Variants in UPRT observed in about 807,000 individuals in gnomAD.
UPRT encodes the protein uracil phosphoribosyltransferase homolog.
UPRT carries 5 observed loss-of-function variants against 22.6 expected under a neutral mutation model. The observed-to-expected ratio is 0.22, with a 90% CI of 0.12 to 0.47. UPRT has a LOEUF of 0.47. UPRT is among the 20% of genes least tolerant of loss of function. The probability of loss-of-function intolerance (pLI) is 0.99; values close to 1 mark genes in which losing one functional copy is unlikely to be tolerated. For synonymous variants in UPRT, 77 were observed against 87.7 expected (o/e 0.88, Z 0.68); for missense variants, 181 against 239.9 (o/e 0.75, Z 1.62).
chrX:75,267,673 C>T (rs1280450176), intron 4 of UPRT, among the ~76,000 whole-genome samples: 3 of 111,599 alleles, frequency 2.7e-5, no homozygotes, highest in East Asian at 5.6e-4. Context: ...GGGTAAATAA[C>T]GAAATTAAGG....
chrX:75,266,836 A>G (rs2082590400), intron 4 of UPRT, among the ~76,000 whole-genome samples: 1 of 111,955 alleles, frequency 8.9e-6, no homozygotes, highest in South Asian at 3.7e-4. Flanking sequence ...CACATGAAAA[A>G]ATGCTCATCA....
At chrX:75,195,325 G>A (rs1226284001) in intron 4 of UPRT, among the ~76,000 whole-genome samples, 2 of 112,636 alleles carry the variant, frequency 1.8e-5, no homozygotes, top group African/African-American at 6.4e-5. Flanking sequence ...GGGGCCCCAG[G>A]AGAGGCCAGC....
At chrX:75,216,136 A>T (rs1037501262) in intron 4 of UPRT, among the ~76,000 whole-genome samples, 1 of 112,128 alleles carries the variant, frequency 8.9e-6, no homozygotes. Context: ...TAACACATCA[A>T]ATCTAACAAT....
At chrX:75,197,692 T>C (rs1269844732) in intron 4 of UPRT, among the ~76,000 whole-genome samples, 2 of 111,599 alleles carry the variant, frequency 1.8e-5, no homozygotes, top group Non-Finnish European at 3.8e-5. Context: ...ACAAGAAACT[T>C]AACAGATGCT....
chrX:75,183,411 C>T (rs1238030116), intron 4 of UPRT, among the ~76,000 whole-genome samples: 1 of 111,775 alleles, frequency 8.9e-6, no homozygotes, highest in African/African-American at 3.3e-5. Context: ...TTTTCTTAAT[C>T]CAGTCTATCA....
At chrX:75,239,399 G>T (rs1219433578) in intron 4 of UPRT, among the ~76,000 whole-genome samples, 1 of 110,790 alleles carries the variant, frequency 9.0e-6, no homozygotes, top group Non-Finnish European at 1.9e-5. Flanking sequence ...CCTAAACTAT[G>T]AGGAAATATA....
intron 4 of UPRT, among the ~76,000 whole-genome samples, chrX:75,198,750 T>C (rs2082339692): frequency 9.0e-6 from 1 of 111,468 alleles, no homozygotes; most frequent in Non-Finnish European, 1.9e-5. Flanking sequence ...GTTTTTAGTT[T>C]ATATCACTGA....
chrX:75,235,976 G>T (rs998801766), intron 4 of UPRT, among the ~76,000 whole-genome samples: 2 of 110,783 alleles, frequency 1.8e-5, no homozygotes, highest in Non-Finnish European at 3.8e-5. Context: ...GGAAATAAAG[G>T]GTATTCAATT....
intron 4 of UPRT, among the ~76,000 whole-genome samples, chrX:75,216,616 T>C (rs1038035431): frequency 8.9e-6 from 1 of 112,437 alleles, no homozygotes; most frequent in Non-Finnish European, 1.9e-5. Flanking sequence ...CTGGAAAGGA[T>C]AGCATTCATT....
chrX:75,205,152 T>C (rs1389955235), intron 4 of UPRT, among the ~76,000 whole-genome samples: 4 of 107,770 alleles, frequency 3.7e-5, no homozygotes, highest in Admixed American at 9.8e-5. Flanking sequence ...GGGTGGATCA[T>C]GAGGTCAGGA....
At chrX:75,272,413 T>A (rs917119609), upstream of UPRT, among the ~76,000 whole-genome samples, 22 of 102,782 alleles carry the variant, frequency 2.1e-4, 1 homozygote, top group Non-Finnish European at 2.0e-5. Context: ...TAAAAAGGAA[T>A]GAATTAATGG....
intron 4 of UPRT, among the ~76,000 whole-genome samples, chrX:75,251,701 G>A (rs754473035): frequency 9.0e-6 from 1 of 111,377 alleles, no homozygotes; most frequent in South Asian, 3.8e-4. Context: ...TCACAGAATT[G>A]GAAAATCTAC....
rs143148016 is a variant in UPRT at position 75,231,008 on chromosome X, C to T, written c.-446-60016C>T. 4.3e-3 allele frequency among the ~76,000 whole-genome samples: 451 copies of T among 104,399 alleles called. 1 individual carries two copies. Among genetic ancestry groups the T allele is most frequent in the African/African-American group, 0.015 (431 of 28,969 alleles). The allele number at this position is 104,399 out of a possible 115,157, so 90.7% of individuals were successfully genotyped here. On this transcript the variant is annotated intron_variant, in intron 4 of 13. Coordinates refer to the UPRT transcript ENST00000652605. ...ACAGTCTACCCAAATAAGAAGAAAC[C>T]AGACAAGTAATTCTGGTAATATGAC...
Position 75,296,401 on chromosome X carries a change from C to T in UPRT, c.489C>T (p.Thr163=), listed in dbSNP as rs1387886954. ...NQLPYKECMV[T]TPTGYKYEGV... is the part of the protein sequence containing the mutation. ...TGCCATATAAAGAATGCATGGTGACCACTCCAACAGGTAACTAGGGCTGTT... is the reference window on the plus strand; with the variant it reads ...TGCCATATAAAGAATGCATGGTGACTACTCCAACAGGTAACTAGGGCTGTT... The change falls in exon 3 of 7, where the codon ACC becomes ACT. Residue 163 remains threonine (T), a synonymous_variant. Transcript: ENST00000373383. 8.3e-7 allele frequency: 1 copy of T among 1,208,623 alleles called. No homozygotes were observed. The highest frequency in any genetic ancestry group is 1.1e-6 in the Non-Finnish European group (1 of 893,255).
chrX:75,225,337 A>ACACG (rs2082421014), intron 4 of UPRT, among the ~76,000 whole-genome samples: 1 of 106,699 alleles, frequency 9.4e-6, no homozygotes, highest in Non-Finnish European at 1.9e-5. Flanking sequence ...ACACACACAC[A>ACACG]CACACACACA....
At chrX:75,273,725 C>T (rs759275264), upstream of UPRT, among the ~76,000 whole-genome samples, 7 of 111,916 alleles carry the variant, frequency 6.3e-5, no homozygotes, top group African/African-American at 2.3e-4. Flanking sequence ...TTACTTCTTC[C>T]TTCTGTTATG....
At chrX:75,227,404 G>A (rs1383319972) in intron 4 of UPRT, among the ~76,000 whole-genome samples, 1 of 111,379 alleles carries the variant, frequency 9.0e-6, no homozygotes, top group African/African-American at 3.3e-5. Context: ...ATTCCACTCA[G>A]GAATCTTCCA....
At position 75,274,593 on chromosome X, in the gene UPRT, G is replaced by A. The variant is rs1285094685; in HGVS notation, c.339G>A (p.Leu113=). The stretch of plus-strand genomic sequence containing the variant: ...AGATCGGGGCGCAGCTTAAGCTGCT[G>A]CCTATGAATGATCAGATACGGGAGC... ...SRQIGAQLKL[L]PMNDQIRELQ... is the part of the protein sequence containing the mutation. Residue 113 remains leucine (L), a synonymous_variant, in exon 1 of 7, where the codon CTG becomes CTA. Transcript: ENST00000373383. 1 of 1,206,354 alleles carries A rather than the reference G, an allele frequency of 8.3e-7. No individual in the cohort carries two copies. Among genetic ancestry groups the A allele is most frequent in the Non-Finnish European group, 1.1e-6 (1 of 893,382 alleles).
intron 4 of UPRT, among the ~76,000 whole-genome samples, chrX:75,209,672 C>T (rs2082375413): frequency 8.9e-6 from 1 of 112,331 alleles, no homozygotes; most frequent in African/African-American, 3.2e-5. Flanking sequence ...TGTTCCTGGC[C>T]CAGTGTTTCT....
Sources: allele counts gnomAD v4.1 joint callset (sites outside exome capture counted in the v4.1 genomes callset), GRCh38; gene constraint gnomAD v4.1.1; transcripts MANE v1.5; gene names NCBI Gene and HGNC (gene_info 2026-07-23, HGNC 2026-07-21).